Variants in TET2 observed in about 807,000 individuals in gnomAD.
TET2 encodes the protein tet methylcytosine dioxygenase 2.
Under a neutral mutation model 142.9 loss-of-function variants are expected in TET2, and 299 were observed. The ratio of observed to expected loss-of-function variants is 2.09; its 90% confidence interval spans 1.90 to 2.30. TET2 has a LOEUF of 2.30. Ranked by LOEUF, TET2 falls within the 30% of genes most tolerant of loss-of-function variation. TET2 has a pLI of 0.00. For synonymous variants in TET2, 819 were observed against 849.0 expected (o/e 0.96, Z 0.61); for missense variants, 2,418 against 2,378.0 (o/e 1.02, Z -0.35).
intron 1 of TET2, among the ~76,000 whole-genome samples, chr4:105,175,437 G>A (rs764706527): frequency 6.6e-6 from 1 of 152,094 alleles, no homozygotes; most frequent in Non-Finnish European, 1.5e-5. Context: ...TGATTAAAAT[G>A]TCTTTGATAG....
chr4:105,237,203 T>G lies in TET2; in HGVS notation c.3261T>G (p.Ser1087=). 1 of 1,614,118 alleles carries G rather than the reference T, an allele frequency of 6.2e-7. No individual in the cohort carries two copies. The highest frequency in any genetic ancestry group is 8.5e-7 in the Non-Finnish European group (1 of 1,180,028). ...HTPALEQQTT[S]SEKTPTKRTA... The stretch of plus-strand genomic sequence containing the variant: ...CAGCTTTAGAGCAGCAAACAACTTC[T>G]TCAGAAAAGACACCAACCAAAAGAA... The change falls in exon 3 of 11, where the codon TCT becomes TCG. Residue 1087 remains serine, a synonymous_variant. Coordinates refer to ENST00000380013, the MANE Select transcript of TET2 (RefSeq NM_001127208.3).
chr4:105,276,246 T>G lies in TET2; in HGVS notation c.5736T>G (p.His1912Gln). ...YQHKSMNEPKHGLALWEAKMA... is the reference protein window; with the variant it reads ...YQHKSMNEPKQGLALWEAKMA... ...ATAAGAGCATGAATGAGCCAAAACA[T>G]GGCTTGGCTCTTTGGGAAGCCAAAA... The change falls in exon 11 of 11, where the codon CAT becomes CAG. Residue 1912 changes from histidine (H) to glutamine (Q), a missense_variant. Coordinates refer to ENST00000380013, the MANE Select transcript of TET2 (RefSeq NM_001127208.3). 6.4e-7 allele frequency: 1 copy of G among 1,551,540 alleles called. No individual in the cohort carries two copies. The highest frequency in any genetic ancestry group is 8.7e-7 in the Non-Finnish European group (1 of 1,146,940).
Position 105,234,047 on chromosome 4 carries a change from G to T in TET2, c.105G>T (p.Gln35His). The T allele has an allele frequency of 6.2e-7, 1 of 1,614,064 alleles. No individual in the cohort carries two copies. Among genetic ancestry groups the T allele is most frequent in the Non-Finnish European group, 8.5e-7 (1 of 1,180,014 alleles). The change falls in exon 3 of 11, where the codon CAG becomes CAT. Residue 35 changes from glutamine to histidine, a missense_variant. Transcript: ENST00000380013. ...CQTEPLATKL[Q>H]NGSPLPERAH... ...CAGAACCTCTGGCTACAAAGCTCCAGAATGGAAGCCCACTGCCTGAGAGAG... is the reference window on the plus strand; with the variant it reads ...CAGAACCTCTGGCTACAAAGCTCCATAATGGAAGCCCACTGCCTGAGAGAG...
rs2110313890 is a variant in TET2, at chr4:105,275,624, G to A, written c.5114G>A (p.Gly1705Asp). Residue 1705 changes from glycine (G) to aspartate (D), a missense_variant, in exon 11 of 11, where the codon GGT becomes GAT. By Grantham distance (94) the Gly-to-Asp change is moderately conservative (BLOSUM62 -1). Coordinates refer to ENST00000380013, the MANE Select transcript of TET2 (RefSeq NM_001127208.3). ...GGAAACCAAAATATGCAGGGAGATG[G>A]TTTCAGCAGTTGTACCATTAGACCA... is the stretch of plus-strand genomic sequence containing the variant. ...GYGNQNMQGD[G>D]FSSCTIRPNV... 2 of 1,551,852 alleles carry A rather than the reference G, an allele frequency of 1.3e-6. No homozygotes were observed. The highest frequency in any genetic ancestry group is 1.7e-6 in the Non-Finnish European group (2 of 1,147,008).
At chr4:105,192,962 G>T (rs2110487694) in intron 2 of TET2, among the ~76,000 whole-genome samples, 2 of 152,274 alleles carry the variant, frequency 1.3e-5, no homozygotes, top group Middle Eastern at 6.8e-3. Context: ...AGGTAGTGGA[G>T]AACAGCCAAA....
chr4:105,151,122 C>T (rs1393405729), intron 1 of TET2, among the ~76,000 whole-genome samples: 1 of 152,026 alleles, frequency 6.6e-6, no homozygotes, highest in African/African-American at 2.4e-5. Flanking sequence ...AGTTTGAAAC[C>T]ACCCTGGGCA....
intron 2 of TET2, among the ~76,000 whole-genome samples, chr4:105,231,733 C>T (rs1369399651): frequency 6.6e-6 from 1 of 151,980 alleles, no homozygotes; most frequent in Non-Finnish European, 1.5e-5. Context: ...TCTTTTTCTA[C>T]TTATATCTTT....
At chr4:105,219,136 A>C (rs1013783969) in intron 2 of TET2, among the ~76,000 whole-genome samples, 5 of 152,196 alleles carry the variant, frequency 3.3e-5, no homozygotes, top group African/African-American at 1.2e-4. Flanking sequence ...ACATATTGAA[A>C]TTTCTTAAAT....
At chr4:105,250,017 G>C (rs1729785430) in intron 6 of TET2, among the ~76,000 whole-genome samples, 2 of 152,182 alleles carry the variant, frequency 1.3e-5, no homozygotes, top group African/African-American at 4.8e-5. Flanking sequence ...TTTCTTCTCA[G>C]AGTATTATAA....
chr4:105,230,184 G>A (rs534710342), intron 2 of TET2, among the ~76,000 whole-genome samples: 37 of 152,244 alleles, frequency 2.4e-4, no homozygotes, highest in South Asian at 1.0e-3. Context: ...TGGGATTACA[G>A]GTGCCTACCA....
intron 1 of TET2, among the ~76,000 whole-genome samples, chr4:105,182,829 C>T (rs1451118249): frequency 6.6e-6 from 1 of 151,890 alleles, no homozygotes; most frequent in East Asian, 1.9e-4. Context: ...TATAATTGAT[C>T]CTTTGATGTT....
chr4:105,160,817 C>A (rs1723813383), intron 1 of TET2, among the ~76,000 whole-genome samples: 1 of 152,150 alleles, frequency 6.6e-6, no homozygotes, highest in Non-Finnish European at 1.5e-5. Flanking sequence ...CCCTCTGTCG[C>A]CCAGGCTGGA....
chr4:105,264,422 G>A (rs1730592942), intron 8 of TET2, among the ~76,000 whole-genome samples: 1 of 152,088 alleles, frequency 6.6e-6, no homozygotes, highest in Admixed American at 6.6e-5. Flanking sequence ...ATTTTTAATA[G>A]GTGCTGTTAA....
At chr4:105,239,072 T>TTGTTTTTTGTTTTTTTG (rs1729127736) in intron 3 of TET2, 2 of 157,416 alleles carry the variant, frequency 1.3e-5, no homozygotes, top group African/African-American at 9.5e-5. Flanking sequence ...GTTTTGTTTT[T>TTGTTTTTTGTTTTTTTG]TGTTTTTTTT....
In TET2 at chr4:105,230,324, G is replaced by A. The variant is rs537411988; in HGVS notation, c.-46-3573G>A. 1.8e-3 allele frequency among the ~76,000 whole-genome samples: 276 copies of A among 152,334 alleles called. 2 individuals carry two copies. The highest frequency in any genetic ancestry group is 4.1e-3 in the South Asian group (20 of 4,822). On this transcript the variant is annotated intron_variant, in intron 2 of 10. Transcript: ENST00000380013. ...TTCCCAAAGTGCTGGGATTATAGGCGTGAGCTACCACACCCAGCCTGTCAG... is the reference window on the plus strand; with the variant it reads ...TTCCCAAAGTGCTGGGATTATAGGCATGAGCTACCACACCCAGCCTGTCAG...
chr4:105,198,600 A>G (rs1312914335), intron 2 of TET2, among the ~76,000 whole-genome samples: 2 of 152,208 alleles, frequency 1.3e-5, no homozygotes, highest in Non-Finnish European at 2.9e-5. Context: ...TAAGGGCAAG[A>G]AAATGTTTTC....
intron 1 of TET2, 50 bp from the exon 2 acceptor site, chr4:105,190,310 C>A: frequency 1.6e-6 from 1 of 615,866 alleles, no homozygotes; most frequent in Non-Finnish European, 2.9e-6. Context: ...GGTGTATATA[C>A]CCTGTTCCTT....
rs1013222979 is a variant in TET2 at position 105,237,449 on chromosome 4, T to C, written c.3409+98T>C. The C allele has an allele frequency of 4.3e-6, 7 of 1,612,934 alleles. No individual in the cohort carries two copies. The East Asian group carries it at 1.3e-4, about 31-fold the overall frequency. ...TTTCCTTCTTTTTTTAAATCTTGAG[T>C]CTGGCAGCAATTTGTAAAGGCTCAT... On this transcript the variant is annotated intron_variant, in intron 3 of 10. Coordinates refer to ENST00000380013, the MANE Select transcript of TET2 (RefSeq NM_001127208.3).
At chr4:105,228,549 T>C in intron 2 of TET2, among the ~76,000 whole-genome samples, 1 of 152,252 alleles carries the variant, frequency 6.6e-6, no homozygotes, top group South Asian at 2.1e-4. Context: ...AAAGATAATA[T>C]ATTAAATGCT....
Sources: gnomAD v4.1 joint callset for allele counts (sites outside exome capture counted in the v4.1 genomes callset) on GRCh38, gnomAD v4.1.1 for gene constraint, MANE v1.5 for transcripts, NCBI Gene and HGNC (gene_info 2026-07-23, HGNC 2026-07-21) for gene names.